NRF1: variants seen among roughly 807,000 people sequenced by gnomAD.
NRF1 encodes nuclear respiratory factor 1.
In NRF1, 5 loss-of-function variants were observed where a neutral mutation model predicts 58.5. The ratio of observed to expected loss-of-function variants is 0.09; its 90% CI spans 0.04 to 0.18. The LOEUF (loss-of-function observed/expected upper bound fraction) is 0.18, where lower values mean the gene tolerates loss of function less well. NRF1 is among the 10% of genes least tolerant of loss of function. The probability of loss-of-function intolerance (pLI) is 1.00; values close to 1 mark genes in which losing one functional copy is unlikely to be tolerated. For missense variants in NRF1, 288 were observed against 657.7 expected, an observed-to-expected ratio of 0.44 and a Z score of 6.15; for synonymous variants, 224 against 246.7, an observed-to-expected ratio of 0.91 and a Z score of 0.86.
At chr7:129,746,698 G>A (rs1284522583) in intron 10 of NRF1, among the ~76,000 whole-genome samples, 3 of 152,110 alleles carry the variant, frequency 2.0e-5, no homozygotes, top group Non-Finnish European at 4.4e-5. Flanking sequence ...CATGGTCCCG[G>A]TTCCCATTTG....
At chr7:129,652,689 C>G (rs954915934) in intron 1 of NRF1, among the ~76,000 whole-genome samples, 1 of 152,174 alleles carries the variant, frequency 6.6e-6, no homozygotes, top group African/African-American at 2.4e-5. Context: ...CTTCCGGGTT[C>G]ACGCCATTCT....
At chr7:129,682,658 TG>T (rs892897975) in intron 4 of NRF1, among the ~76,000 whole-genome samples, 13 of 145,046 alleles carry the variant, frequency 9.0e-5, no homozygotes, top group Admixed American at 8.9e-4. Flanking sequence ...AAAAAGGATC[TG>T]GGTGTGGTGG....
At chr7:129,632,343 G>A (rs1801068384) in intron 1 of NRF1, among the ~76,000 whole-genome samples, 1 of 152,076 alleles carries the variant, frequency 6.6e-6, no homozygotes, top group Non-Finnish European at 1.5e-5. Flanking sequence ...CCCCATTTAA[G>A]TAGTTTGAAG....
chr7:129,756,532 ACT>A lies in NRF1; in HGVS notation c.*1354_*1355del, dbSNP rs1804260271. 1 of 152,470 alleles carries A rather than the reference ACT, an allele frequency of 6.6e-6. No homozygotes were observed. Among genetic ancestry groups the A allele is most frequent in the Non-Finnish European group, 1.5e-5 (1 of 68,022 alleles). 9.4% of individuals were successfully genotyped at this position (152,470 alleles called of 1,614,324 possible). Reference sequence around the variant, plus strand: ...ATCTGGGTGTTCTTGGTAACCGTTAACTCTGTCTTTCTCAGCTGCAAGCCCTG... The same window carrying A: ...ATCTGGGTGTTCTTGGTAACCGTTAACTGTCTTTCTCAGCTGCAAGCCCTG... On this transcript the variant is annotated 3_prime_UTR_variant, in exon 11 of 11. Transcript: ENST00000393232.
At chr7:129,725,482 C>T (rs1803430793) in intron 9 of NRF1, among the ~76,000 whole-genome samples, 1 of 152,088 alleles carries the variant, frequency 6.6e-6, no homozygotes, top group African/African-American at 2.4e-5. Flanking sequence ...CATGCACCAC[C>T]ACACCTGGCT....
chr7:129,627,573 G>GTT (rs750169137), intron 1 of NRF1, among the ~76,000 whole-genome samples: 6 of 152,008 alleles, frequency 3.9e-5, no homozygotes, highest in Non-Finnish European at 7.4e-5. Context: ...AGGACTCCAA[G>GTT]TTTTTTGTCC....
intron 5 of NRF1, among the ~76,000 whole-genome samples, chr7:129,697,462 C>T (rs890630323): frequency 4.6e-5 from 7 of 151,150 alleles, no homozygotes; most frequent in South Asian, 2.1e-4. Flanking sequence ...ACAGGAGAAT[C>T]GCTTGAACCC....
At chr7:129,702,189 A>G (rs761982472) in intron 5 of NRF1, among the ~76,000 whole-genome samples, 46 of 152,314 alleles carry the variant, frequency 3.0e-4, no homozygotes, top group Admixed American at 1.8e-3. Flanking sequence ...TACAACAAGC[A>G]TAAGGTAACA....
chr7:129,634,041 A>AAAATATATAT (rs1163693215), intron 1 of NRF1, among the ~76,000 whole-genome samples: 1 of 113,808 alleles, frequency 8.8e-6, no homozygotes, highest in African/African-American at 3.8e-5. Context: ...AAAAAAAAAA[A>AAAATATATAT]AGATATATAT....
At chr7:129,698,487 G>T (rs1382983503) in intron 5 of NRF1, among the ~76,000 whole-genome samples, 1 of 152,162 alleles carries the variant, frequency 6.6e-6, no homozygotes, top group Admixed American at 6.5e-5. Flanking sequence ...AATTGGAGGA[G>T]GTTGAGATAA....
intron 10 of NRF1, among the ~76,000 whole-genome samples, chr7:129,752,022 T>C (rs2116326744): frequency 6.6e-6 from 1 of 152,354 alleles, no homozygotes; most frequent in African/African-American, 2.4e-5. Context: ...CTTGAGGCTA[T>C]GCTGATAGCA....
chr7:129,646,039 A>G (rs191604317), intron 1 of NRF1, among the ~76,000 whole-genome samples: 2 of 152,232 alleles, frequency 1.3e-5, no homozygotes, highest in East Asian at 3.9e-4. Flanking sequence ...TAGTAGAGAC[A>G]GGGTTTCATC....
chr7:129,719,928 T>G (rs1306573655), intron 9 of NRF1, among the ~76,000 whole-genome samples: 1 of 152,170 alleles, frequency 6.6e-6, no homozygotes, highest in African/African-American at 2.4e-5. Flanking sequence ...GTGAAGTGTG[T>G]GTGTCCTGGG....
intron 10 of NRF1, among the ~76,000 whole-genome samples, chr7:129,740,129 G>A (rs1803812963): frequency 6.6e-6 from 1 of 152,140 alleles, no homozygotes; most frequent in Non-Finnish European, 1.5e-5. Flanking sequence ...AGTCCAAAGT[G>A]CCTTCCAAAA....
At chr7:129,690,605 C>T in intron 5 of NRF1, 59 bp downstream of exon 5, 1 of 1,579,366 alleles carries the variant, frequency 6.3e-7, no homozygotes. Flanking sequence ...GTGGGCGGGC[C>T]TCTGATCACT....
At chr7:129,689,321 C>G (rs985514681) in intron 4 of NRF1, among the ~76,000 whole-genome samples, 1 of 152,138 alleles carries the variant, frequency 6.6e-6, no homozygotes, top group African/African-American at 2.4e-5. Context: ...GTCCAGCCCA[C>G]TCAGCAGACA....
intron 5 of NRF1, among the ~76,000 whole-genome samples, chr7:129,695,534 C>T (rs1288673205): frequency 6.6e-6 from 1 of 151,086 alleles, no homozygotes; most frequent in East Asian, 1.9e-4. Context: ...CGAGATCATG[C>T]CACTGCACTC....
intron 1 of NRF1, among the ~76,000 whole-genome samples, chr7:129,650,309 T>G (rs1801506378): frequency 6.6e-6 from 1 of 152,158 alleles, no homozygotes; most frequent in Admixed American, 6.5e-5. Flanking sequence ...TCTTACTTTT[T>G]ATATCAGTTC....
chr7:129,655,361 A>G (rs1198585462), intron 1 of NRF1, among the ~76,000 whole-genome samples: 1 of 152,090 alleles, frequency 6.6e-6, no homozygotes, highest in African/African-American at 2.4e-5. Flanking sequence ...GATTTTCTAC[A>G]TCAACAATCA....
Sources: gnomAD v4.1 joint callset for allele counts (sites outside exome capture counted in the v4.1 genomes callset) on GRCh38, gnomAD v4.1.1 for gene constraint, MANE v1.5 for transcripts, NCBI Gene and HGNC (gene_info 2026-07-23, HGNC 2026-07-21) for gene names.